Variants in PELO observed in about 807,000 individuals in gnomAD.
PELO encodes the protein protein pelota homolog.
In PELO, 19 loss-of-function variants were observed where a neutral mutation model predicts 25.9. The ratio of observed to expected loss-of-function variants is 0.73; its 90% CI spans 0.51 to 1.08. The LOEUF (loss-of-function observed/expected upper bound fraction) is 1.08. Among genes scored for constraint, PELO ranks in the 50% least tolerant of loss-of-function variants. The probability of loss-of-function intolerance (pLI) is 0.00; values close to 1 mark genes in which losing one functional copy is unlikely to be tolerated. For missense variants in PELO, 498 were observed against 491.4 expected (o/e 1.01, Z -0.13); for synonymous variants, 196 against 192.2 (o/e 1.02, Z -0.16).
chr5:52,801,416 C>T lies in PELO; in HGVS notation c.734C>T (p.Ala245Val). The change falls in exon 3 of 3, where the codon GCC (alanine) becomes GTC (valine). Residue 245 changes from alanine to valine, a missense_variant. Ala to Val is a moderately conservative substitution (Grantham distance 64). Coordinates refer to ENST00000274311, the MANE Select transcript of PELO (RefSeq NM_015946.5). ...ENRSKFLQVHASSGHKYSLKE... is the reference protein window; with the variant it reads ...ENRSKFLQVHVSSGHKYSLKE... ...TTGTAATTGTGATTCTAGGTACATG[C>T]CTCCTCCGGACACAAGTACTCCCTG... 1 of 1,610,582 alleles carries T rather than the reference C, an allele frequency of 6.2e-7. No homozygotes were observed. Among genetic ancestry groups the T allele is most frequent in the Non-Finnish European group, 8.5e-7 (1 of 1,177,432 alleles).
At position 52,800,284 on chromosome 5, in the gene PELO, A is replaced by T. The variant is rs537494691; in HGVS notation, c.-111A>T. ...TCCTTCCCGCCAGGCAAGTGCCCTT[A>T]GAAACCGGGCCCCGCCCCCTTCCTG... On this transcript the variant is annotated 5_prime_UTR_variant, in exon 2 of 3. The change abolishes the stop of an existing upstream ORF in the 5' untranslated region. Coordinates refer to ENST00000274311, the MANE Select transcript of PELO (RefSeq NM_015946.5). 1 of 1,195,930 alleles carries T rather than the reference A, an allele frequency of 8.4e-7. No individual in the cohort carries two copies. Among genetic ancestry groups the T allele is most frequent in the African/African-American group, 1.5e-5 (1 of 66,096 alleles). 74.1% of individuals were successfully genotyped at this position (1,195,930 alleles called of 1,614,324 possible). A position where few individuals can be genotyped will look rare whatever the true frequency, so the allele number is the denominator to read the frequency against.
At chr5:52,792,428 T>C (rs1258239998) in intron 1 of PELO, among the ~76,000 whole-genome samples, 1 of 152,208 alleles carries the variant, frequency 6.6e-6, no homozygotes, top group African/African-American at 2.4e-5. Flanking sequence ...TTTGTTTGTT[T>C]AGTAAACAGG....
intron 1 of PELO, among the ~76,000 whole-genome samples, chr5:52,796,383 G>A (rs1454089822): frequency 1.3e-5 from 2 of 151,812 alleles, no homozygotes; most frequent in African/African-American, 4.8e-5. Flanking sequence ...TAAAGTTACT[G>A]ATATAAAGAT....
rs10068856 is a variant in PELO at position 52,800,003 on chromosome 5, G to A, written c.-392G>A. On this transcript the variant is annotated 5_prime_UTR_variant, in exon 2 of 3. Coordinates refer to ENST00000274311, the MANE Select transcript of PELO (RefSeq NM_015946.5). ...CGTCCGGAGCGCCTCACAGCTTAGT[G>A]CGCCTGCGCACGCGCGAACTGCGGC... The A allele has an allele frequency of 9.4e-3, 2,587 of 276,668 alleles. 76 individuals carry two copies. The highest frequency in any genetic ancestry group is 0.054 in the African/African-American group (2,405 of 44,780). The allele number at this position is 276,668 out of a possible 1,614,324, so 17.1% of individuals were successfully genotyped here. A position where few individuals can be genotyped will look rare whatever the true frequency, so the allele number is the denominator to read the frequency against.
intron 1 of PELO, among the ~76,000 whole-genome samples, chr5:52,789,648 G>A (rs1748201037): frequency 1.3e-5 from 2 of 152,148 alleles, no homozygotes; most frequent in Admixed American, 6.5e-5. Flanking sequence ...CATTATAGCC[G>A]GTGAGTGGTT....
At chr5:52,790,046 G>A (rs1748208817) in intron 1 of PELO, among the ~76,000 whole-genome samples, 1 of 152,168 alleles carries the variant, frequency 6.6e-6, no homozygotes, top group Non-Finnish European at 1.5e-5. Context: ...TTTCCCATCA[G>A]TCATTATATT....
At position 52,801,625 on chromosome 5, in the gene PELO, G is replaced by T; in HGVS notation, c.943G>T (p.Asp315Tyr). ...AMAIDTLLIS[D>Y]ELFRHQDVAT... Reference sequence around the variant, plus strand: ...GGCAATTGACACATTGCTCATCAGCGATGAGCTCTTCAGGCATCAGGATGT... The same window carrying T: ...GGCAATTGACACATTGCTCATCAGCTATGAGCTCTTCAGGCATCAGGATGT... The change falls in exon 3 of 3, where the codon GAT becomes TAT. Residue 315 changes from aspartate to tyrosine, a missense_variant. Coordinates refer to ENST00000274311, the MANE Select transcript of PELO (RefSeq NM_015946.5). 1.2e-6 allele frequency: 2 copies of T among 1,614,106 alleles called. No homozygotes were observed. The highest frequency in any genetic ancestry group is 1.1e-5 in the South Asian group (1 of 91,084).
Position 52,800,875 on chromosome 5 carries a change from G to A in PELO, c.481G>A (p.Ala161Thr). ...LVTPSMTLTR[A>T]KVEVNIPRKR... ...CACTCCCAGCATGACCCTCACTCGGGCCAAGGTGGAGGTGAACATCCCTAG... is the reference window on the plus strand; with the variant it reads ...CACTCCCAGCATGACCCTCACTCGGACCAAGGTGGAGGTGAACATCCCTAG... The change falls in exon 2 of 3, where the codon GCC (alanine) becomes ACC (threonine). Residue 161 changes from alanine (A) to threonine (T), a missense_variant. Transcript: ENST00000274311. The A allele has an allele frequency of 6.2e-7, 1 of 1,612,306 alleles. No homozygotes were observed. Among genetic ancestry groups the A allele is most frequent in the Non-Finnish European group, 8.5e-7 (1 of 1,178,872 alleles).
chr5:52,800,771 A>AGCAG lies in PELO; in HGVS notation c.380_383dup (p.Cys129GlyfsTer3). The AGCAG allele has an allele frequency of 6.2e-7, 1 of 1,614,172 alleles. No homozygotes were observed. Among genetic ancestry groups the AGCAG allele is most frequent in the Non-Finnish European group, 8.5e-7 (1 of 1,180,016 alleles). On this transcript the variant is annotated frameshift_variant, in exon 2 of 3. Coordinates refer to ENST00000274311, the MANE Select transcript of PELO (RefSeq NM_015946.5). LOFTEE classifies it high-confidence loss of function. ...GATAGTGTGGTACTGGAGCGCATCG[A>AGCAG]GCAGGCCTGTGACCCAGCCTGGAGC...
Position 52,800,751 on chromosome 5 carries a change from T to C in PELO, c.357T>C (p.Ser119=). 6.2e-7 allele frequency: 1 copy of C among 1,614,186 alleles called. No individual in the cohort carries two copies. Among genetic ancestry groups the C allele is most frequent in the Non-Finnish European group, 8.5e-7 (1 of 1,180,028 alleles). ...CCCTGGCCAAGAAGCAGTGGGATAG[T>C]GTGGTACTGGAGCGCATCGAGCAGG... The part of the protein sequence containing the change: ...QFTLAKKQWD[S]VVLERIEQAC... Residue 119 remains serine (S), a synonymous_variant, in exon 2 of 3, where the codon AGT becomes AGC. Coordinates refer to ENST00000274311, the MANE Select transcript of PELO (RefSeq NM_015946.5).
intron 1 of PELO, among the ~76,000 whole-genome samples, chr5:52,792,189 G>T (rs1336043143): frequency 1.3e-5 from 2 of 152,132 alleles, no homozygotes; most frequent in Non-Finnish European, 1.5e-5. Flanking sequence ...GAAACATTTT[G>T]GTTGGCCTAG....
In PELO at chr5:52,788,108, A is replaced by C. The variant is rs1748157558; in HGVS notation, c.-817A>C. The C allele has an allele frequency of 9.4e-6, 4 of 427,750 alleles. No homozygotes were observed. In the South Asian group the frequency reaches 1.9e-4, roughly 20 times the overall value. The allele number at this position is 427,750 out of a possible 1,614,324, so 26.5% of individuals were successfully genotyped here. Reference sequence around the variant, plus strand: ...AGCTGCCAGTGAGATTTCAGAGACCAAGAGCGCGAAGGGGCGGGCGATGTG... The same window carrying C: ...AGCTGCCAGTGAGATTTCAGAGACCCAGAGCGCGAAGGGGCGGGCGATGTG... On this transcript the variant is annotated 5_prime_UTR_variant, in exon 1 of 3. Coordinates refer to ENST00000274311, the MANE Select transcript of PELO (RefSeq NM_015946.5).
chr5:52,788,233 TG>T lies in PELO; in HGVS notation c.-688del. ...TCCCGCTCCTGGGCGCCGCTGCCAC[TG>T]GGGCAGAGGACTGGGAACCGCGGCA... On this transcript the variant is annotated 5_prime_UTR_variant, in exon 1 of 3. Coordinates refer to ENST00000274311, the MANE Select transcript of PELO (RefSeq NM_015946.5). The T allele has an allele frequency of 1.5e-6, 1 of 682,982 alleles. No individual in the cohort carries two copies. Among genetic ancestry groups the T allele is most frequent in the Non-Finnish European group, 2.2e-6 (1 of 449,756 alleles). 42.3% of individuals were successfully genotyped at this position (682,982 alleles called of 1,614,324 possible).
Position 52,800,315 on chromosome 5 carries a change from C to A in PELO, c.-80C>A. 6.6e-7 allele frequency: 1 copy of A among 1,521,182 alleles called. No individual in the cohort carries two copies. Among genetic ancestry groups the A allele is most frequent in the Non-Finnish European group, 9.0e-7 (1 of 1,108,860 alleles). The allele number at this position is 1,521,182 out of a possible 1,614,324, so 94.2% of individuals were successfully genotyped here. On this transcript the variant is annotated 5_prime_UTR_variant, in exon 2 of 3. Coordinates refer to ENST00000274311, the MANE Select transcript of PELO (RefSeq NM_015946.5). ...CGGGCCCCGCCCCCTTCCTGGCCTG[C>A]ATTCCCATCCCCTCTCCCGGGGCGG...
rs1395597284 is a variant in PELO, at chr5:52,800,552, CG to C, written c.161del (p.Gly54AlafsTer98). 6.2e-7 allele frequency: 1 copy of C among 1,613,760 alleles called. No homozygotes were observed. The highest frequency in any genetic ancestry group is 1.7e-5 in the Admixed American group (1 of 60,006). On this transcript the variant is annotated frameshift_variant, in exon 2 of 3. Coordinates refer to ENST00000274311, the MANE Select transcript of PELO (RefSeq NM_015946.5). LOFTEE classifies it high-confidence loss of function. The part of the protein sequence containing the change: ...TIRKVQTESS[T>X]GSVGSNRVRT... ...CGCAAGGTACAGACAGAGTCCTCCA[CG>C]GGCAGCGTGGGCAGCAACCGGGTCC...
intron 1 of PELO, among the ~76,000 whole-genome samples, chr5:52,794,500 TAC>T (rs56996823): frequency 0.023 from 3,320 of 141,834 alleles, 53 homozygotes; most frequent in South Asian, 0.033. Context: ...CAAATAGAAA[TAC>T]ACACACACAC....
intron 2 of PELO, 79 bp from the exon 3 acceptor site, chr5:52,801,330 T>C (rs1194468014): frequency 4.8e-5 from 62 of 1,294,958 alleles, no homozygotes; most frequent in Middle Eastern, 2.6e-4. Flanking sequence ...ACTAGCGCTT[T>C]TGGCTTTAAG....
intron 1 of PELO, 57 bp downstream of exon 1, chr5:52,788,471 G>T: frequency 2.2e-6 from 3 of 1,356,958 alleles, no homozygotes; most frequent in Middle Eastern, 1.9e-4. Context: ...GGCTTGGAGC[G>T]GGGAGGGAGG....
intron 1 of PELO, among the ~76,000 whole-genome samples, chr5:52,792,779 G>A (rs1442477164): frequency 6.6e-6 from 1 of 152,116 alleles, no homozygotes; most frequent in African/African-American, 2.4e-5. Flanking sequence ...ACAAAATAGT[G>A]TACTCAAATT....
Sources: gnomAD v4.1 joint callset for allele counts (sites outside exome capture counted in the v4.1 genomes callset) on GRCh38, gnomAD v4.1.1 for gene constraint, MANE v1.5 for transcripts, NCBI Gene and HGNC (gene_info 2026-07-23, HGNC 2026-07-21) for gene names.